Variants in MYPN observed in about 807,000 individuals in gnomAD.
The protein encoded by MYPN is sarcomeric protein myopalladin, 145 kDa (MYOP).
MYPN carries 63 observed loss-of-function variants against 129.4 expected under a neutral mutation model. That is an observed-to-expected ratio of 0.49 (90% confidence interval 0.40 to 0.60). MYPN has a LOEUF of 0.60. Ranked by LOEUF, MYPN falls within the 20% of genes least tolerant of loss-of-function variation. The pLI, the probability that MYPN is intolerant of heterozygous loss-of-function variation, is 0.00. For synonymous variants in MYPN, 629 were observed against 600.9 expected, an observed-to-expected ratio of 1.05 and a Z score of -0.68; for missense variants, 1,596 against 1,635.4, an observed-to-expected ratio of 0.98 and a Z score of 0.42.
chr10:68,188,531 C>T (rs897454637), intron 12 of MYPN, among the ~76,000 whole-genome samples: 1 of 151,922 alleles, frequency 6.6e-6, no homozygotes, highest in Non-Finnish European at 1.5e-5. Context: ...GTGATGCAGG[C>T]ATGTATCAGA....
intron 17 of MYPN, 149 bp downstream of exon 17, chr10:68,199,724 C>T: frequency 1.3e-6 from 1 of 790,922 alleles, no homozygotes; most frequent in East Asian, 2.7e-5. Context: ...GTATTTCCCA[C>T]ATCACTTTCA....
chr10:68,109,868 A>G (rs561386876), intron 1 of MYPN, 145 bp downstream of exon 1: 2 of 349,442 alleles, frequency 5.7e-6, no homozygotes, highest in Admixed American at 7.6e-5. Flanking sequence ...ACACGAAATT[A>G]AGTGAAAAAT....
At chr10:68,182,845 G>A (rs2043360502) in intron 12 of MYPN, among the ~76,000 whole-genome samples, 1 of 152,018 alleles carries the variant, frequency 6.6e-6, no homozygotes, top group African/African-American at 2.4e-5. Context: ...TGAGTTCTCT[G>A]TTTTCATGAC....
At chr10:68,136,771 C>T (rs1295893974) in intron 2 of MYPN, 1 of 1,512,456 alleles carries the variant, frequency 6.6e-7, no homozygotes, top group African/African-American at 1.4e-5. Context: ...TTAGATAATC[C>T]TATAATGTTT....
At chr10:68,092,314 G>C (rs2041934797) in intron 1 of MYPN, among the ~76,000 whole-genome samples, 1 of 152,046 alleles carries the variant, frequency 6.6e-6, no homozygotes, top group Non-Finnish European at 1.5e-5. Context: ...GGCCAACATG[G>C]TGAAAACCTG....
intron 1 of MYPN, among the ~76,000 whole-genome samples, chr10:68,118,877 T>TGAAGGAAGGAAG (rs10661735): frequency 0.05 from 6,124 of 122,398 alleles, 230 homozygotes; most frequent in Admixed American, 0.076. Flanking sequence ...AAAAGAGTGA[T>TGAAGGAAGGAAG]GAAGGAAGGA....
intron 3 of MYPN, among the ~76,000 whole-genome samples, chr10:68,143,947 G>A (rs1451987194): frequency 6.6e-6 from 1 of 152,110 alleles, no homozygotes; most frequent in Non-Finnish European, 1.5e-5. Context: ...TAGAGATGGG[G>A]TTTCACCATG....
At chr10:68,168,821 G>A (rs922692436) in intron 10 of MYPN, among the ~76,000 whole-genome samples, 1 of 151,524 alleles carries the variant, frequency 6.6e-6, no homozygotes, top group South Asian at 2.1e-4. Flanking sequence ...ACCATACACG[G>A]GGTCAAAAAG....
chr10:68,113,696 C>CA (rs565475209), intron 1 of MYPN, among the ~76,000 whole-genome samples: 41,237 of 127,140 alleles, frequency 0.32, 5,997 homozygotes, highest in East Asian at 0.47. Flanking sequence ...GATCTTGCCT[C>CA]AAAAAAAAAA....
At chr10:68,105,241 C>T (rs1488134602), upstream of MYPN, among the ~76,000 whole-genome samples, 1 of 152,176 alleles carries the variant, frequency 6.6e-6, no homozygotes, top group East Asian at 1.9e-4. Context: ...AAACTTCTTT[C>T]TAAGCCTCAA....
At chr10:68,125,147 T>C (rs368711895) in intron 2 of MYPN, among the ~76,000 whole-genome samples, 2 of 152,276 alleles carry the variant, frequency 1.3e-5, no homozygotes. Flanking sequence ...GAAATGTCAA[T>C]TAGGAAGACA....
chr10:68,202,106 TTTGCGTTTCATTGATATTA>T, intron 18 of MYPN, 112 bp downstream of exon 18: 2 of 1,281,072 alleles, frequency 1.6e-6, no homozygotes, highest in Non-Finnish European at 2.2e-6. Context: ...GAATAATGCA[TTTGCGTTTCATTGATATTA>T]TTGTGTGTAT....
At chr10:68,182,312 CAT>C (rs1267099762) in intron 12 of MYPN, among the ~76,000 whole-genome samples, 553 of 12,924 alleles carry the variant, frequency 0.043, 30 homozygotes, top group East Asian at 0.1. Context: ...ATAACACACA[CAT>C]ATATATAACA....
chr10:68,211,572 TTATTC>T lies in MYPN; in HGVS notation c.*1120_*1124del, dbSNP rs912569232. 1.4e-4 allele frequency: 63 copies of T among 453,980 alleles called. No individual in the cohort carries two copies. In the Middle Eastern group the frequency reaches 2.0e-3, roughly 15 times the overall value. The allele number at this position is 453,980 out of a possible 1,614,324, so 28.1% of individuals were successfully genotyped here. On this transcript the variant is annotated 3_prime_UTR_variant, in exon 20 of 20. Transcript: ENST00000358913. ...TTGGGAGAAAGGGGAATATGCATCT[TTATTC>T]TAATCACCAATTCAAACCCTGCCTC...
At chr10:68,090,645 C>G (rs1347039333) in intron 1 of MYPN, among the ~76,000 whole-genome samples, 1 of 152,150 alleles carries the variant, frequency 6.6e-6, no homozygotes, top group East Asian at 1.9e-4. Flanking sequence ...CTTACTTTCT[C>G]TGGTCTTTAT....
intron 3 of MYPN, among the ~76,000 whole-genome samples, chr10:68,143,997 T>C (rs1433468023): frequency 1.3e-5 from 2 of 151,732 alleles, no homozygotes; most frequent in Admixed American, 6.6e-5. Flanking sequence ...TCAAGTGATC[T>C]GCCCACCTCG....
At chr10:68,120,226 G>T (rs1284373799) in intron 1 of MYPN, among the ~76,000 whole-genome samples, 1 of 152,024 alleles carries the variant, frequency 6.6e-6, no homozygotes. Context: ...AGTAGTGACA[G>T]CCTAAGTCAC....
At chr10:68,168,763 G>A (rs1041366302) in intron 10 of MYPN, among the ~76,000 whole-genome samples, 4 of 152,000 alleles carry the variant, frequency 2.6e-5, no homozygotes, top group Admixed American at 1.3e-4. Context: ...AAGGGAATCC[G>A]CTGTTTGTCA....
In MYPN at chr10:68,194,446, T is replaced by C. The variant is rs2043569886; in HGVS notation, c.3009T>C (p.Ser1003=). 1.9e-6 allele frequency: 3 copies of C among 1,613,836 alleles called. No individual in the cohort carries two copies. The highest frequency in any genetic ancestry group is 1.7e-5 in the Admixed American group (1 of 59,970). Residue 1003 remains serine (S), a synonymous_variant, in exon 14 of 20, where the codon TCT becomes TCC. Coordinates refer to ENST00000358913, the MANE Select transcript of MYPN (RefSeq NM_032578.4). ...GGCGAGAAGGAGATGGGACATGCTC[T>C]CTGCACATTGAATCCACTACCAGTG... ...KMRREGDGTC[S]LHIESTTSDD...
Sources: allele counts gnomAD v4.1 joint callset (sites outside exome capture counted in the v4.1 genomes callset), GRCh38; gene constraint gnomAD v4.1.1; transcripts MANE v1.5; gene names NCBI Gene and HGNC (gene_info 2026-07-23, HGNC 2026-07-21).